The following KL variants were observed in gnomAD, a reference collection of about 807,000 sequenced individuals.
KL encodes alpha-klotho.
Under a neutral mutation model 84.2 loss-of-function variants are expected in KL, and 62 were observed. The observed-to-expected ratio is 0.74, with a 90% CI of 0.60 to 0.91. The LOEUF (loss-of-function observed/expected upper bound fraction) is 0.91. Among genes scored for constraint, KL ranks in the 40% least tolerant of loss-of-function variants. The pLI is 0.00. For missense variants in KL, 1,261 were observed against 1,305.7 expected (o/e 0.97, Z 0.53); for synonymous variants, 528 against 528.0 (o/e 1.00, Z 0.00).
At chr13:33,017,737 G>A (rs186740490) in intron 1 of KL, among the ~76,000 whole-genome samples, 1 of 152,206 alleles carries the variant, frequency 6.6e-6, no homozygotes, top group South Asian at 2.1e-4. Context: ...ACACTGTTGT[G>A]AAAGTGTCAA....
intron 1 of KL, among the ~76,000 whole-genome samples, chr13:33,026,446 T>G (rs1289794679): frequency 2.0e-5 from 3 of 151,310 alleles, no homozygotes; most frequent in African/African-American, 4.9e-5. Context: ...AAGAATGGGG[T>G]GGGGGGGTCA....
At chr13:33,033,785 A>G (rs1871060560) in intron 1 of KL, among the ~76,000 whole-genome samples, 1 of 152,016 alleles carries the variant, frequency 6.6e-6, no homozygotes, top group Non-Finnish European at 1.5e-5. Flanking sequence ...GGAGACAGGA[A>G]GTCACCAAAT....
At position 33,061,553 on chromosome 13, in the gene KL, A is replaced by G. The variant is rs751972343; in HGVS notation, c.2474A>G (p.Asn825Ser). ...DSEKEDPIKY[N>S]DYLEVQEMTD... ...GAAAAAGAAGATCCAATAAAATACA[A>G]TGATTACCTAGAAGTGCAAGAAATG... Residue 825 changes from asparagine (N) to serine (S), a missense_variant, in exon 4 of 5, where the codon AAT becomes AGT. By Grantham distance (46) the Asn-to-Ser change is conservative. Transcript: ENST00000380099. The G allele has an allele frequency of 1.1e-5, 18 of 1,614,108 alleles. No individual in the cohort carries two copies. The highest frequency in any genetic ancestry group is 2.7e-5 in the African/African-American group (2 of 74,930).
chr13:33,062,337 A>G (rs1872239715), intron 4 of KL, among the ~76,000 whole-genome samples: 1 of 151,824 alleles, frequency 6.6e-6, no homozygotes, highest in Admixed American at 6.6e-5. Context: ...TCATGATCAC[A>G]GCACTGCAAT....
intron 1 of KL, among the ~76,000 whole-genome samples, chr13:33,018,521 A>T (rs1428185191): frequency 1.3e-5 from 2 of 152,180 alleles, no homozygotes; most frequent in Non-Finnish European, 2.9e-5. Context: ...AGAATGTTGG[A>T]TTTGTTTGGA....
intron 1 of KL, among the ~76,000 whole-genome samples, chr13:33,034,704 G>A (rs546701983): frequency 7.9e-5 from 12 of 152,204 alleles, no homozygotes; most frequent in South Asian, 4.2e-4. Flanking sequence ...TGGAATCTCC[G>A]TGAGGGCACG....
At chr13:33,042,673 C>T (rs1354203033) in intron 1 of KL, among the ~76,000 whole-genome samples, 1 of 152,124 alleles carries the variant, frequency 6.6e-6, no homozygotes, top group Non-Finnish European at 1.5e-5. Context: ...GCGATTTAAG[C>T]TACTATAAGC....
chr13:33,050,753 G>A (rs1394780435), intron 1 of KL, among the ~76,000 whole-genome samples: 1 of 152,218 alleles, frequency 6.6e-6, no homozygotes, highest in East Asian at 1.9e-4. Context: ...GAGGTGAGCA[G>A]TTAATCCAAA....
At chr13:33,043,965 C>G (rs1291455053) in intron 1 of KL, among the ~76,000 whole-genome samples, 1 of 147,644 alleles carries the variant, frequency 6.8e-6, no homozygotes, top group East Asian at 1.9e-4. Context: ...ACATTTTGTT[C>G]TATAAGTTTT....
At chr13:33,034,827 A>C (rs1450420123) in intron 1 of KL, among the ~76,000 whole-genome samples, 1 of 152,204 alleles carries the variant, frequency 6.6e-6, no homozygotes, top group Non-Finnish European at 1.5e-5. Flanking sequence ...CACTTAGACC[A>C]GTGAGTTCCA....
intron 1 of KL, among the ~76,000 whole-genome samples, chr13:33,037,696 AT>A (rs1871189978): frequency 6.6e-6 from 1 of 152,110 alleles, no homozygotes. Flanking sequence ...CACTGAGAAA[AT>A]GCTTATTAGT....
chr13:33,055,085 G>T lies in KL; in HGVS notation c.1369G>T (p.Ala457Ser), dbSNP rs143526946. ...LDGVDVIGYT[A>S]WSLMDGFEWH... ...TGGGGTGGATGTCATCGGGTATACCGCATGGTCCCTCATGGATGGTTTCGA... is the reference window on the plus strand; with the variant it reads ...TGGGGTGGATGTCATCGGGTATACCTCATGGTCCCTCATGGATGGTTTCGA... Residue 457 changes from alanine to serine, a missense_variant, in exon 3 of 5, where the codon GCA becomes TCA. Coordinates refer to ENST00000380099, the MANE Select transcript of KL (RefSeq NM_004795.4). 30 of 1,614,068 alleles carry T rather than the reference G, an allele frequency of 1.9e-5. No individual in the cohort carries two copies. The highest frequency in any genetic ancestry group is 1.1e-5 in the South Asian group (1 of 91,092).
rs1872165719 is a variant in KL at position 33,061,032 on chromosome 13, G to A, written c.1953G>A (p.Leu651=). The change falls in exon 4 of 5, where the codon CTG becomes CTA. Residue 651 remains leucine (L), a synonymous_variant. Transcript: ENST00000380099. ...CGAACCAAGGACTGCCGCGCCTCCT[G>A]GCCAGGCAGGGCGCCTGGGAGAACC... ...MAPNQGLPRL[L]ARQGAWENPY... The A allele has an allele frequency of 1.2e-6, 2 of 1,611,926 alleles. No homozygotes were observed. Among genetic ancestry groups the A allele is most frequent in the African/African-American group, 1.3e-5 (1 of 74,902 alleles).
intron 1 of KL, among the ~76,000 whole-genome samples, chr13:33,032,373 C>T (rs1420415760): frequency 1.3e-5 from 2 of 152,196 alleles, no homozygotes; most frequent in Non-Finnish European, 2.9e-5. Context: ...CAGTTTTTCT[C>T]TGGTCCGCAG....
chr13:33,051,026 C>T (rs1871727260), intron 1 of KL, among the ~76,000 whole-genome samples: 1 of 152,194 alleles, frequency 6.6e-6, no homozygotes, highest in Non-Finnish European at 1.5e-5. Flanking sequence ...GGGCTGAATT[C>T]CTTAGCAGGG....
chr13:33,060,820 C>G lies in KL; in HGVS notation c.1741C>G (p.Gln581Glu), dbSNP rs1438512325. 1 of 1,614,228 alleles carries G rather than the reference C, an allele frequency of 6.2e-7. No homozygotes were observed. The highest frequency in any genetic ancestry group is 8.5e-7 in the Non-Finnish European group (1 of 1,180,028). Reference protein sequence around the residue: ...YCVDFAAIQPQIALLQEMHVT... With the variant: ...YCVDFAAIQPEIALLQEMHVT... Reference sequence around the variant, plus strand: ...TGTTGACTTTGCTGCCATCCAGCCCCAGATCGCTTTACTCCAGGAAATGCA... The same window carrying G: ...TGTTGACTTTGCTGCCATCCAGCCCGAGATCGCTTTACTCCAGGAAATGCA... The change falls in exon 4 of 5, where the codon CAG becomes GAG. Residue 581 changes from glutamine (Q) to glutamate (E), a missense_variant. Physicochemically the swap from Gln to Glu is conservative, Grantham distance 29. Transcript: ENST00000380099.
At chr13:33,026,502 C>T (rs1870782720) in intron 1 of KL, among the ~76,000 whole-genome samples, 1 of 152,264 alleles carries the variant, frequency 6.6e-6, no homozygotes, top group East Asian at 1.9e-4. Context: ...GACCTAGGCA[C>T]CTCTTCAGTC....
chr13:33,053,161 C>G (rs563963640), intron 1 of KL, among the ~76,000 whole-genome samples: 1 of 152,316 alleles, frequency 6.6e-6, no homozygotes, highest in East Asian at 1.9e-4. Context: ...GAAACCAGAA[C>G]TGTCCCAGAG....
intron 1 of KL, among the ~76,000 whole-genome samples, chr13:33,030,832 A>G (rs1173055279): frequency 6.6e-6 from 1 of 152,262 alleles, no homozygotes; most frequent in Non-Finnish European, 1.5e-5. Flanking sequence ...ATTCTTGAAC[A>G]TCAGTAACAC....
Sources: allele counts gnomAD v4.1 joint callset (sites outside exome capture counted in the v4.1 genomes callset), GRCh38; gene constraint gnomAD v4.1.1; transcripts MANE v1.5; gene names NCBI Gene and HGNC (gene_info 2026-07-23, HGNC 2026-07-21).